MBD1: variants seen among roughly 807,000 people sequenced by gnomAD.
MBD1 encodes methyl-CpG-binding domain protein 1.
MBD1 carries 25 observed loss-of-function variants against 82.6 expected under a neutral mutation model. The observed-to-expected ratio is 0.30, with a 90% CI of 0.22 to 0.42. MBD1 has a LOEUF of 0.42. Ranked by LOEUF, MBD1 falls within the 10% of genes least tolerant of loss-of-function variation. The pLI is 1.00. For synonymous variants in MBD1, 301 were observed against 303.7 expected, an observed-to-expected ratio of 0.99 and a Z score of 0.09; for missense variants, 627 against 819.6, an observed-to-expected ratio of 0.76 and a Z score of 2.87.
chr18:50,273,003 T>C (rs376536624), intron 13 of MBD1, 48 bp from the exon 14 acceptor site: 57 of 1,612,178 alleles, frequency 3.5e-5, no homozygotes, highest in Non-Finnish European at 4.5e-5. Flanking sequence ...AGAGTTCACC[T>C]GAGGAAAGTC....
intron 2 of MBD1, 131 bp downstream of exon 2, chr18:50,279,750 CAT>C: frequency 8.2e-7 from 1 of 1,219,074 alleles, no homozygotes; most frequent in Non-Finnish European, 1.1e-6. Flanking sequence ...GAAATTCAAA[CAT>C]AAAATCCGCT....
intron 1 of MBD1, 121 bp from the exon 2 acceptor site, chr18:50,280,138 G>A: frequency 1.1e-6 from 1 of 874,798 alleles, no homozygotes; most frequent in South Asian, 1.7e-5. Flanking sequence ...ACCTGCCACA[G>A]GCAACCAGCC....
At chr18:50,279,682 T>C (rs1207264681) in intron 2 of MBD1, 4 of 650,530 alleles carry the variant, frequency 6.1e-6, no homozygotes, top group South Asian at 5.8e-5. Flanking sequence ...TCTTGAATAA[T>C]CACAAATGCA....
At position 50,281,494 on chromosome 18, in the gene MBD1, C is replaced by G. The variant is rs1425965352; in HGVS notation, c.-157G>C. ...GCGGCCGCCTCCTCTGAAGCGGTAG[C>G]TGTCGCCTCCGCGGCTGTTCGTTGC... is the stretch of plus-strand genomic sequence containing the variant. On this transcript the variant is annotated 5_prime_UTR_variant, in exon 1 of 17. Coordinates refer to ENST00000269468, the MANE Select transcript of MBD1 (RefSeq NM_015846.4). The G allele has an allele frequency of 6.9e-6, 4 of 583,524 alleles. No individual in the cohort carries two copies. The African/African-American group carries it at 7.5e-5, about 11-fold the overall frequency. 36.1% of individuals were successfully genotyped at this position (583,524 alleles called of 1,614,324 possible). A position where few individuals can be genotyped will look rare whatever the true frequency, so the allele number is the denominator to read the frequency against.
chr18:50,281,083 C>A, intron 1 of MBD1: 1 of 1,397,614 alleles, frequency 7.2e-7, no homozygotes, highest in South Asian at 1.2e-5. Flanking sequence ...CTCTCAACTT[C>A]AGATGCCCCG....
In MBD1 at chr18:50,275,946, T is replaced by C. The variant is rs750730258; in HGVS notation, c.552A>G (p.Val184=). ...TGGAGCAGGCCCCACAGTCTTCTGTTACCTGGCAGGCTGCACACTCCCCAC... is the reference window on the plus strand; with the variant it reads ...TGGAGCAGGCCCCACAGTCTTCTGTCACCTGGCAGGCTGCACACTCCCCAC... ...VGCGECAACQ[V]TEDCGACSTC... is the part of the protein sequence containing the mutation. Residue 184 remains valine, a synonymous_variant, in exon 7 of 17, where the codon GTA becomes GTG. Transcript: ENST00000269468. The C allele has an allele frequency of 4.3e-6, 7 of 1,613,654 alleles. No homozygotes were observed. The highest frequency in any genetic ancestry group is 1.3e-5 in the African/African-American group (1 of 75,034).
Position 50,273,706 on chromosome 18 carries a change from G to A in MBD1, c.1304C>T (p.Thr435Ile), listed in dbSNP as rs116201949. 627 of 1,614,178 alleles carry A rather than the reference G, an allele frequency of 3.9e-4. 5 individuals carry two copies. In the Middle Eastern group the frequency reaches 0.018, roughly 45 times the overall value. Residue 435 changes from threonine (T) to isoleucine (I), a missense_variant, in exon 12 of 17, where the codon ACC (threonine) becomes ATC (isoleucine). Around this residue, in one of 6 missense-constraint regions of MBD1, gnomAD observed 265 missense variants for 278.4 expected, o/e 0.95. Coordinates refer to ENST00000269468, the MANE Select transcript of MBD1 (RefSeq NM_015846.4). ...LATRTAQPDH[T>I]QAPTKQEAGG... ...TGCTTCCTGCTTCGTTGGAGCCTGG[G>A]TATGGTCTGGTTGGGCTGTGCGTGT...
At chr18:50,279,127 C>T (rs1208482279) in intron 2 of MBD1, among the ~76,000 whole-genome samples, 1 of 152,198 alleles carries the variant, frequency 6.6e-6, no homozygotes, top group Non-Finnish European at 1.5e-5. Flanking sequence ...TGCAAGTCAG[C>T]CAGCACTAGC....
chr18:50,268,593 A>G (rs1449505855), downstream of MBD1, among the ~76,000 whole-genome samples: 1 of 152,210 alleles, frequency 6.6e-6, no homozygotes, highest in Non-Finnish European at 1.5e-5. Flanking sequence ...GTGGCTGGGA[A>G]CTACGGGCTT....
chr18:50,270,262 G>A (rs1416547618), intron 16 of MBD1: 2 of 1,022,318 alleles, frequency 2.0e-6, no homozygotes, highest in Admixed American at 1.7e-5. Context: ...CTAGGGTAAG[G>A]CAAGGGAGGC....
upstream of MBD1, chr18:50,281,547 CT>C (rs1288415064): frequency 2.4e-5 from 14 of 576,516 alleles, no homozygotes; most frequent in Admixed American, 6.4e-5. Flanking sequence ...CGCTGCCTGC[CT>C]CTCGGGCTCC....
intron 8 of MBD1, 144 bp from the exon 9 acceptor site, chr18:50,275,389 A>C (rs752528480): frequency 1.2e-6 from 2 of 1,609,504 alleles, no homozygotes; most frequent in African/African-American, 2.7e-5. Context: ...AGCCACAGCC[A>C]GGGGAGTGCG....
intron 11 of MBD1, 51 bp from the exon 12 acceptor site, chr18:50,273,914 A>G (rs773140096): frequency 5.6e-6 from 9 of 1,597,890 alleles, no homozygotes; most frequent in Non-Finnish European, 7.7e-6. Flanking sequence ...GACCAATCAC[A>G]TCCACCCTGC....
At position 50,274,946 on chromosome 18, in the gene MBD1, A is replaced by G. The variant is rs777816980; in HGVS notation, c.978+31T>C. The G allele has an allele frequency of 1.9e-5, 31 of 1,610,392 alleles. No homozygotes were observed. The South Asian group carries it at 3.3e-4, about 17-fold the overall frequency. Reference sequence around the variant, plus strand: ...AGTTAACCAAGCGTCCTGAGATTCTAGGCTTATCCAGGTAGGGTGGGGCCA... The same window carrying G: ...AGTTAACCAAGCGTCCTGAGATTCTGGGCTTATCCAGGTAGGGTGGGGCCA... On this transcript the variant is annotated intron_variant, in intron 10 of 16. Coordinates refer to ENST00000269468, the MANE Select transcript of MBD1 (RefSeq NM_015846.4).
At chr18:50,276,521 T>C (rs1163287140) in intron 5 of MBD1, 103 bp from the exon 6 acceptor site, 2 of 1,437,910 alleles carry the variant, frequency 1.4e-6, no homozygotes, top group Non-Finnish European at 1.9e-6. Flanking sequence ...CCTCTACCTA[T>C]GCCTGCTATC....
At chr18:50,272,013 C>T (rs888771703) in intron 15 of MBD1, among the ~76,000 whole-genome samples, 2 of 152,172 alleles carry the variant, frequency 1.3e-5, no homozygotes, top group East Asian at 3.8e-4. Context: ...AGGCATCTAC[C>T]CTTTGTTCTA....
chr18:50,275,422 C>T (rs762694115), intron 8 of MBD1, 177 bp from the exon 9 acceptor site: 8 of 1,602,566 alleles, frequency 5.0e-6, no homozygotes, highest in South Asian at 3.3e-5. Flanking sequence ...CTGATGACGG[C>T]GACGCAGGCG....
intron 6 of MBD1, 48 bp downstream of exon 6, chr18:50,276,330 A>T (rs2037875174): frequency 6.3e-7 from 1 of 1,589,916 alleles, no homozygotes; most frequent in Non-Finnish European, 8.6e-7. Context: ...GCTCCATCAC[A>T]TCCTGCTCCC....
At chr18:50,278,532 C>T (rs1455181906) in intron 2 of MBD1, among the ~76,000 whole-genome samples, 1 of 152,040 alleles carries the variant, frequency 6.6e-6, no homozygotes, top group African/African-American at 2.4e-5. Flanking sequence ...TATACAAGTA[C>T]ATAAATATGT....
Sources: gnomAD v4.1 joint callset for allele counts (sites outside exome capture counted in the v4.1 genomes callset) on GRCh38, gnomAD v4.1.1 for gene constraint, gnomAD v4.1.1 regional missense constraint, MANE v1.5 for transcripts, NCBI Gene and HGNC (gene_info 2026-07-23, HGNC 2026-07-21) for gene names.